Variants in TENM3 observed in about 807,000 individuals in gnomAD.
The protein encoded by TENM3 is teneurin-3.
TENM3 carries 63 observed loss-of-function variants against 255.1 expected under a neutral mutation model. That is an observed-to-expected ratio of 0.25 (90% CI 0.20 to 0.30). The LOEUF (loss-of-function observed/expected upper bound fraction) is 0.30. Ranked by LOEUF, TENM3 falls within the 10% of genes least tolerant of loss-of-function variation. The pLI is 1.00. For synonymous variants in TENM3, 1,306 were observed against 1,322.3 expected, an observed-to-expected ratio of 0.99 and a Z score of 0.27; for missense variants, 2,929 against 3,461.1, an observed-to-expected ratio of 0.85 and a Z score of 3.86.
the TENM3 span, among the ~76,000 whole-genome samples, chr4:182,100,568 T>TATATATACACAC: frequency 0.034 from 4,146 of 120,846 alleles, 557 homozygotes; most frequent in African/African-American, 0.14. Flanking sequence ...TATACACACA[T>TATATATACACAC]ATATATACAC....
At chr4:181,896,497 G>A in the TENM3 span, among the ~76,000 whole-genome samples, 5 of 152,092 alleles carry the variant, frequency 3.3e-5, no homozygotes, top group South Asian at 2.1e-4. Context: ...AAAATTTAGC[G>A]TTTGCTCTTC....
At chr4:181,932,704 C>T in the TENM3 span, among the ~76,000 whole-genome samples, 1 of 152,188 alleles carries the variant, frequency 6.6e-6, no homozygotes, top group Non-Finnish European at 1.5e-5. Context: ...ACTATGAAGA[C>T]ACATGCACAC....
intron 9 of TENM3, 93 bp downstream of exon 9, chr4:182,680,442 G>T (rs568365131): frequency 6.3e-6 from 9 of 1,421,316 alleles, no homozygotes; most frequent in African/African-American, 4.2e-5. Context: ...AAGAAAGGGG[G>T]GGGGAGACTG....
intron 1 of TENM3, among the ~76,000 whole-genome samples, chr4:182,226,319 A>C (rs1756155190): frequency 6.6e-6 from 1 of 152,176 alleles, no homozygotes; most frequent in African/African-American, 2.4e-5. Context: ...CCCTTGAAGC[A>C]GACAGGAGTC....
chr4:181,993,490 C>T, the TENM3 span, among the ~76,000 whole-genome samples: 1 of 152,154 alleles, frequency 6.6e-6, no homozygotes, highest in African/African-American at 2.4e-5. Flanking sequence ...GCTGTGTCTG[C>T]TGTGGCGAGG....
intron 1 of TENM3, among the ~76,000 whole-genome samples, chr4:182,264,752 A>G (rs1253823350): frequency 6.6e-6 from 1 of 152,208 alleles, no homozygotes; most frequent in East Asian, 1.9e-4. Context: ...CAGAAACTAA[A>G]AATATTGGCC....
At chr4:182,094,730 A>G in the TENM3 span, among the ~76,000 whole-genome samples, 2 of 152,180 alleles carry the variant, frequency 1.3e-5, no homozygotes, top group Non-Finnish European at 2.9e-5. Context: ...ACAGAAACCC[A>G]CTATTTCAAA....
intron 3 of TENM3, among the ~76,000 whole-genome samples, chr4:182,590,858 A>C (rs2152387320): frequency 6.6e-6 from 1 of 151,966 alleles, no homozygotes; most frequent in East Asian, 1.9e-4. Context: ...AAAAGAAAAA[A>C]AAAAACAAAA....
Position 182,775,016 on chromosome 4 carries a change from C to G in TENM3, c.5167C>G (p.Leu1723Val). The stretch of plus-strand genomic sequence containing the variant: ...ACACTACCAAACAGAGCCGCACGTT[C>G]TGGCTGGCACCGCTAATCCGACGGT... ...DSHYQTEPHVLAGTANPTVAK... is the reference protein window; with the variant it reads ...DSHYQTEPHVVAGTANPTVAK... Residue 1723 changes from leucine (L) to valine (V), a missense_variant, in exon 24 of 28, where the codon CTG (leucine) becomes GTG (valine). Coordinates refer to ENST00000511685, the MANE Select transcript of TENM3 (RefSeq NM_001080477.4). 1 of 1,614,052 alleles carries G rather than the reference C, an allele frequency of 6.2e-7. No individual in the cohort carries two copies. The highest frequency in any genetic ancestry group is 8.5e-7 in the Non-Finnish European group (1 of 1,179,904).
intron 1 of TENM3, among the ~76,000 whole-genome samples, chr4:182,264,603 G>C (rs577002803): frequency 6.6e-6 from 1 of 152,188 alleles, no homozygotes; most frequent in Non-Finnish European, 1.5e-5. Context: ...TCCCAGTGGC[G>C]GTCCAGGTTC....
At chr4:182,631,141 G>T (rs2152473825) in intron 5 of TENM3, among the ~76,000 whole-genome samples, 1 of 152,000 alleles carries the variant, frequency 6.6e-6, no homozygotes, top group East Asian at 1.9e-4. Flanking sequence ...TAGTACCATG[G>T]TCATAAACCT....
the TENM3 span, among the ~76,000 whole-genome samples, chr4:181,759,751 TG>T: frequency 6.6e-6 from 1 of 151,878 alleles, no homozygotes; most frequent in Non-Finnish European, 1.5e-5. Context: ...TGTGTGTGTG[TG>T]TGTGTGTGTA....
the TENM3 span, among the ~76,000 whole-genome samples, chr4:181,775,016 G>A: frequency 9.9e-5 from 15 of 152,252 alleles, no homozygotes; most frequent in Non-Finnish European, 2.2e-4. Flanking sequence ...AGGTGGCTGT[G>A]TTTGTAGGCA....
At chr4:182,414,052 C>G (rs189051013) in intron 3 of TENM3, among the ~76,000 whole-genome samples, 3 of 152,276 alleles carry the variant, frequency 2.0e-5, no homozygotes, top group African/African-American at 7.2e-5. Flanking sequence ...AGTTGAAGAT[C>G]TTGTTTATTA....
At chr4:182,094,610 T>C in the TENM3 span, among the ~76,000 whole-genome samples, 1 of 152,262 alleles carries the variant, frequency 6.6e-6, no homozygotes, top group East Asian at 1.9e-4. Context: ...CAGAAAGGTG[T>C]TGAGGTCAAA....
chr4:181,859,383 C>G, the TENM3 span, among the ~76,000 whole-genome samples: 4 of 151,818 alleles, frequency 2.6e-5, no homozygotes, highest in African/African-American at 4.8e-5. Context: ...AATTATTCAC[C>G]CTTTTCTCCA....
chr4:181,678,769 A>T, the TENM3 span, among the ~76,000 whole-genome samples: 142 of 151,102 alleles, frequency 9.4e-4, 2 homozygotes, highest in African/African-American at 3.2e-3. Flanking sequence ...TAAAATATCT[A>T]TTATGTTTGT....
intron 3 of TENM3, among the ~76,000 whole-genome samples, chr4:182,380,417 G>C (rs977899992): frequency 1.3e-5 from 2 of 152,242 alleles, no homozygotes; most frequent in African/African-American, 4.8e-5. Flanking sequence ...CATGTGGACA[G>C]GCACCATGTC....
At chr4:181,923,396 G>A in the TENM3 span, among the ~76,000 whole-genome samples, 1 of 152,138 alleles carries the variant, frequency 6.6e-6, no homozygotes, top group South Asian at 2.1e-4. Flanking sequence ...ACATCATAAA[G>A]TCTGGGGACA....
Sources: allele counts gnomAD v4.1 joint callset (sites outside exome capture counted in the v4.1 genomes callset), GRCh38; gene constraint gnomAD v4.1.1; transcripts MANE v1.5; gene names NCBI Gene and HGNC (gene_info 2026-07-23, HGNC 2026-07-21).